Variants in RNF157 observed in about 807,000 individuals in gnomAD.
The protein encoded by RNF157 is ring finger protein 157.
Under a neutral mutation model 88.3 loss-of-function variants are expected in RNF157, and 55 were observed. The ratio of observed to expected loss-of-function variants is 0.62; its 90% CI spans 0.50 to 0.78. The LOEUF (loss-of-function observed/expected upper bound fraction) is 0.78. Among genes scored for constraint, RNF157 ranks in the 30% least tolerant of loss-of-function variants. RNF157 has a pLI of 0.00. For synonymous variants in RNF157, 334 were observed against 341.2 expected (o/e 0.98, Z 0.23); for missense variants, 788 against 860.8 (o/e 0.92, Z 1.06).
chr17:76,145,605 A>G, intron 18 of RNF157: 1 of 424,338 alleles, frequency 2.4e-6, no homozygotes, highest in East Asian at 3.6e-5. Flanking sequence ...AGGGAGGGAC[A>G]TGAAAGATGT....
chr17:76,144,634 T>C lies in RNF157; in HGVS notation c.*601A>G, dbSNP rs1335035486. The stretch of plus-strand genomic sequence containing the variant: ...GAGCTCCTTCTTAACCGCACAGGCA[T>C]GTGAGGCCCAGAAGACTGGCTCTGC... On this transcript the variant is annotated 3_prime_UTR_variant, in exon 19 of 19. Transcript: ENST00000269391. 6.6e-6 allele frequency: 1 copy of C among 152,242 alleles called. No individual in the cohort carries two copies. The highest frequency in any genetic ancestry group is 1.5e-5 in the Non-Finnish European group (1 of 68,070). The allele number at this position is 152,242 out of a possible 1,614,324, so 9.4% of individuals were successfully genotyped here.
intron 1 of RNF157, among the ~76,000 whole-genome samples, chr17:76,227,535 G>A (rs752010854): frequency 6.6e-5 from 10 of 152,046 alleles, no homozygotes; most frequent in Non-Finnish European, 1.3e-4. Context: ...TTATAGAAGA[G>A]GAAACTAATG....
intron 8 of RNF157, 103 bp from the exon 9 acceptor site, chr17:76,162,726 A>G (rs768595287): frequency 1.5e-6 from 1 of 666,310 alleles, no homozygotes; most frequent in South Asian, 2.3e-5. Flanking sequence ...AGGACTACCG[A>G]TTCATAATGA....
chr17:76,230,854 A>T (rs1193046613), intron 1 of RNF157, among the ~76,000 whole-genome samples: 4 of 111,386 alleles, frequency 3.6e-5, no homozygotes, highest in Non-Finnish European at 1.9e-5. Flanking sequence ...AAAAAAAAAA[A>T]AAAAAGAGAG....
Position 76,152,343 on chromosome 17 carries a change from A to G in RNF157, c.1921+12T>C. 6.5e-7 allele frequency: 1 copy of G among 1,539,196 alleles called. No individual in the cohort carries two copies. The highest frequency in any genetic ancestry group is 2.2e-5 in the East Asian group (1 of 44,536). On this transcript the variant is annotated intron_variant, in intron 18 of 18. Coordinates refer to ENST00000269391, the MANE Select transcript of RNF157 (RefSeq NM_052916.3). The stretch of plus-strand genomic sequence containing the variant: ...CTCCCACCAAGTTCATGTTCAGCAG[A>G]CTGACACTCACCAGGTAAGCAGACC...
chr17:76,192,845 T>C (rs1239611544), intron 2 of RNF157, among the ~76,000 whole-genome samples: 1 of 150,372 alleles, frequency 6.7e-6, no homozygotes, highest in Admixed American at 6.6e-5. Flanking sequence ...TCTTTCCTTT[T>C]TTTTTTTTTT....
At chr17:76,210,588 CAA>C (rs71161274) in intron 2 of RNF157, among the ~76,000 whole-genome samples, 10 of 53,530 alleles carry the variant, frequency 1.9e-4, no homozygotes, top group African/African-American at 3.1e-4. Context: ...AGACTCCGTC[CAA>C]AAAAAAAAAA....
intron 18 of RNF157, chr17:76,147,004 TGCTTGACCCC>T (rs1451484286): frequency 3.0e-6 from 3 of 985,236 alleles, no homozygotes; most frequent in Non-Finnish European, 3.6e-6. Context: ...CAGTCTCTGG[TGCTTGACCCC>T]AGGGGAACAG....
At chr17:76,190,533 G>T (rs911278855) in intron 2 of RNF157, among the ~76,000 whole-genome samples, 1 of 150,908 alleles carries the variant, frequency 6.6e-6, no homozygotes, top group African/African-American at 2.4e-5. Flanking sequence ...GTCCAGGGAA[G>T]TCAAAGCTGC....
intron 2 of RNF157, among the ~76,000 whole-genome samples, chr17:76,206,298 T>C (rs1489542882): frequency 6.6e-6 from 1 of 152,032 alleles, no homozygotes; most frequent in Non-Finnish European, 1.5e-5. Context: ...TCTAATAACT[T>C]AGAGTTGGGC....
rs375411739 is a variant in RNF157, at chr17:76,155,667, G to T, written c.1593C>A (p.Thr531=). The T allele has an allele frequency of 2.5e-6, 4 of 1,613,410 alleles. No homozygotes were observed. The South Asian group carries it at 4.4e-5, about 18-fold the overall frequency. ...TGTAGGAGCCAGACATGGAGGAGAC[G>T]GTGTCAGTGCTGATCTGGGAGGATG... The part of the protein sequence containing the change: ...SMASSQISTD[T]VSSMSGSYIA... Residue 531 remains threonine, a synonymous_variant, in exon 15 of 19, where the codon ACC becomes ACA. Coordinates refer to ENST00000269391, the MANE Select transcript of RNF157 (RefSeq NM_052916.3).
In RNF157 at chr17:76,145,054, C is replaced by T. The variant is rs1187699794; in HGVS notation, c.*181G>A. On this transcript the variant is annotated 3_prime_UTR_variant, in exon 19 of 19. Coordinates refer to ENST00000269391, the MANE Select transcript of RNF157 (RefSeq NM_052916.3). ...GTTCATTGAGTGGCTTTAGGTCACA[C>T]GGAGAAAGGAGGGTTCCAGTTCCCT... The T allele has an allele frequency of 3.7e-5, 21 of 560,220 alleles. No homozygotes were observed. The highest frequency in any genetic ancestry group is 7.6e-5 in the South Asian group (3 of 39,720). 34.7% of individuals were successfully genotyped at this position (560,220 alleles called of 1,614,324 possible). A position where few individuals can be genotyped will look rare whatever the true frequency, so the allele number is the denominator to read the frequency against.
intron 2 of RNF157, among the ~76,000 whole-genome samples, chr17:76,178,035 C>T (rs1208734824): frequency 6.6e-6 from 1 of 152,234 alleles, no homozygotes; most frequent in Non-Finnish European, 1.5e-5. Flanking sequence ...GTCTTGCTCA[C>T]CCTATGTTTG....
Position 76,240,091 on chromosome 17 carries a change from G to T in RNF157, c.88+62C>A. The T allele has an allele frequency of 9.3e-7, 1 of 1,072,338 alleles. No individual in the cohort carries two copies. Among genetic ancestry groups the T allele is most frequent in the South Asian group, 4.2e-5 (1 of 23,814 alleles). The allele number at this position is 1,072,338 out of a possible 1,614,324, so 66.4% of individuals were successfully genotyped here. A position where few individuals can be genotyped will look rare whatever the true frequency, so the allele number is the denominator to read the frequency against. ...CCGCGGGGCCCCCTCAGGCCGTCCC[G>T]ACCCAGACCCCTGCCCCTGCCCCTC... On this transcript the variant is annotated intron_variant, in intron 1 of 18. Transcript: ENST00000269391. This position sits in a 1 kb window ranked among gnomAD's most constrained non-coding sequence, Gnocchi z 4.4.
chr17:76,215,579 G>GGAGTACTTGAGTA (rs1389332606), intron 1 of RNF157, among the ~76,000 whole-genome samples: 8 of 149,514 alleles, frequency 5.4e-5, no homozygotes, highest in Non-Finnish European at 1.0e-4. Context: ...CTTTGAGCCT[G>GGAGTACTTGAGTA]TGGAGAAGCC....
At chr17:76,151,988 A>C (rs1396073018) in intron 18 of RNF157, among the ~76,000 whole-genome samples, 1 of 152,122 alleles carries the variant, frequency 6.6e-6, no homozygotes, top group East Asian at 1.9e-4. Context: ...TCCTTCCAAG[A>C]CCTTCGTAGA....
intron 2 of RNF157, among the ~76,000 whole-genome samples, chr17:76,201,520 AT>A (rs1367997488): frequency 6.6e-6 from 1 of 152,052 alleles, no homozygotes; most frequent in African/African-American, 2.4e-5. Flanking sequence ...TAAAAAAAAA[AT>A]AAAGAAAATT....
chr17:76,212,393 G>A lies in RNF157; in HGVS notation c.178C>T (p.Leu60=), dbSNP rs755907056. The change falls in exon 2 of 19, where the codon CTG becomes TTG. Residue 60 remains leucine, a synonymous_variant. Coordinates refer to ENST00000269391, the MANE Select transcript of RNF157 (RefSeq NM_052916.3). ...ACTGGTCTGTTCCCCAGAAAGTTCA[G>A]ATCGCTGTTCTCTCCAAACAGGTAA... ...EGYLFGENSD[L]NFLGNRPVVF... is the part of the protein sequence containing the mutation. The A allele has an allele frequency of 1.9e-6, 3 of 1,613,504 alleles. No homozygotes were observed. The highest frequency in any genetic ancestry group is 2.5e-6 in the Non-Finnish European group (3 of 1,179,570).
intron 7 of RNF157, among the ~76,000 whole-genome samples, chr17:76,165,000 CTTATAG>C (rs975429011): frequency 1.3e-5 from 2 of 152,180 alleles, no homozygotes; most frequent in Non-Finnish European, 1.5e-5. Context: ...CTTCTATTAC[CTTATAG>C]TTATAATTGT....
Sources: gnomAD v4.1 joint callset for allele counts (sites outside exome capture counted in the v4.1 genomes callset) on GRCh38, gnomAD v4.1.1 for gene constraint, Gnocchi (gnomAD v3.1) non-coding constraint, MANE v1.5 for transcripts, NCBI Gene and HGNC (gene_info 2026-07-23, HGNC 2026-07-21) for gene names.